The following RARB variants were observed in gnomAD, a reference collection of about 807,000 sequenced individuals.
RARB encodes HBV-activated protein.
A neutral mutation model predicts 51.9 loss-of-function variants in RARB; 17 were observed. That is an observed-to-expected ratio of 0.33 (90% CI 0.22 to 0.49). RARB has a LOEUF of 0.49. RARB is among the 20% of genes least tolerant of loss of function. The pLI is 0.99. For missense variants in RARB, 369 were observed against 550.8 expected, an observed-to-expected ratio of 0.67 and a Z score of 3.30; for synonymous variants, 215 against 195.4, an observed-to-expected ratio of 1.10 and a Z score of -0.84.
At chr3:25,437,828 T>C (rs1708497697) in intron 1 of RARB, among the ~76,000 whole-genome samples, 1 of 152,226 alleles carries the variant, frequency 6.6e-6, no homozygotes, top group African/African-American at 2.4e-5. Flanking sequence ...TTGAAGACTT[T>C]CATGTGGATG....
chr3:24,911,270 C>T (rs538791247), intron 2 of RARB, among the ~76,000 whole-genome samples: 7 of 152,174 alleles, frequency 4.6e-5, no homozygotes, highest in Admixed American at 1.3e-4. Context: ...ACACACAGAC[C>T]TCCCAACAAG....
At chr3:24,858,469 C>G (rs149877805) in intron 1 of RARB, among the ~76,000 whole-genome samples, 152 of 152,212 alleles carry the variant, frequency 1.0e-3, no homozygotes, top group African/African-American at 3.3e-3. Flanking sequence ...TCCTTGTGAA[C>G]GGGTACAGCT....
At chr3:25,398,614 C>T (rs9834839) in intron 5 of RARB, among the ~76,000 whole-genome samples, 100,412 of 151,910 alleles carry the variant, frequency 0.66, 33,432 homozygotes, top group East Asian at 0.83. Flanking sequence ...TTTTTGCCCT[C>T]ATCTGGGATA....
chr3:25,176,697 G>T (rs538213871), intron 5 of RARB, among the ~76,000 whole-genome samples: 2 of 151,970 alleles, frequency 1.3e-5, no homozygotes, highest in African/African-American at 4.8e-5. Flanking sequence ...CCCGGTCTTG[G>T]CTACTACTGA....
intron 3 of RARB, among the ~76,000 whole-genome samples, chr3:25,128,234 A>G (rs1029000109): frequency 1.3e-5 from 2 of 152,088 alleles, no homozygotes; most frequent in African/African-American, 4.8e-5. Context: ...GAATCTCCTA[A>G]GTCAAATCTT....
At chr3:25,394,079 T>C (rs11715691) in intron 5 of RARB, among the ~76,000 whole-genome samples, 25,513 of 152,096 alleles carry the variant, frequency 0.17, 2,432 homozygotes, top group Admixed American at 0.3. Context: ...TTTTGCTGTA[T>C]CACAGAGGTT....
intron 4 of RARB, among the ~76,000 whole-genome samples, chr3:25,572,137 A>C (rs1360480926): frequency 6.6e-6 from 1 of 152,210 alleles, no homozygotes; most frequent in East Asian, 1.9e-4. Flanking sequence ...CGAAAAGAGA[A>C]GATGAGAGAA....
At chr3:25,531,917 C>T (rs138420274) in intron 3 of RARB, among the ~76,000 whole-genome samples, 1 of 146,826 alleles carries the variant, frequency 6.8e-6, no homozygotes, top group African/African-American at 2.5e-5. Context: ...ATAATCTTTC[C>T]ACCAGAAAAT....
chr3:25,322,268 C>T (rs913040448), intron 5 of RARB, among the ~76,000 whole-genome samples: 1 of 152,026 alleles, frequency 6.6e-6, no homozygotes, highest in African/African-American at 2.4e-5. Flanking sequence ...AAATAAACCT[C>T]AGATAAGCCA....
chr3:24,897,166 C>T (rs1388688904), intron 2 of RARB, among the ~76,000 whole-genome samples: 3 of 152,180 alleles, frequency 2.0e-5, no homozygotes, highest in South Asian at 4.1e-4. Context: ...CAGGACATTG[C>T]CATTTTGGGT....
intron 5 of RARB, among the ~76,000 whole-genome samples, chr3:25,277,902 T>A (rs1031364517): frequency 6.6e-6 from 1 of 152,182 alleles, no homozygotes; most frequent in Non-Finnish European, 1.5e-5. Context: ...CCCATAAACA[T>A]GACAACTCCT....
chr3:25,494,653 A>G (rs1163701903), intron 2 of RARB, among the ~76,000 whole-genome samples: 1 of 152,230 alleles, frequency 6.6e-6, no homozygotes, highest in Non-Finnish European at 1.5e-5. Flanking sequence ...TGTATGCTCC[A>G]AGAAAGCTTA....
intron 2 of RARB, among the ~76,000 whole-genome samples, chr3:25,496,937 T>A (rs1412646607): frequency 6.6e-6 from 1 of 152,166 alleles, no homozygotes; most frequent in African/African-American, 2.4e-5. Context: ...CAAGCTGGAG[T>A]GCAGTGGCAC....
At chr3:24,847,014 C>A (rs1362394556) in intron 1 of RARB, among the ~76,000 whole-genome samples, 2 of 152,144 alleles carry the variant, frequency 1.3e-5, no homozygotes, top group African/African-American at 4.8e-5. Context: ...GGTTACTGTG[C>A]AAGCAAATCA....
At chr3:25,430,156 T>G (rs769753416) in intron 1 of RARB, among the ~76,000 whole-genome samples, 13 of 152,242 alleles carry the variant, frequency 8.5e-5, no homozygotes, top group Non-Finnish European at 1.3e-4. Context: ...AGCCTGGCTG[T>G]CTGACTTAAC....
intron 4 of RARB, among the ~76,000 whole-genome samples, chr3:25,172,835 ATTAC>A (rs1187022154): frequency 6.6e-6 from 1 of 152,154 alleles, no homozygotes. Flanking sequence ...TCTCTGTTGT[ATTAC>A]TTCATTTAAT....
At chr3:24,863,834 T>C (rs1702799886) in intron 2 of RARB, among the ~76,000 whole-genome samples, 2 of 151,824 alleles carry the variant, frequency 1.3e-5, no homozygotes, top group South Asian at 4.2e-4. Context: ...GAAAATAAGC[T>C]GAACTTCTTG....
chr3:25,094,132 GTTAC>G (rs1480191775), intron 3 of RARB, among the ~76,000 whole-genome samples: 1 of 152,064 alleles, frequency 6.6e-6, no homozygotes, highest in Non-Finnish European at 1.5e-5. Flanking sequence ...TAGCCATTGA[GTTAC>G]TTAAACTGAG....
In RARB at chr3:24,877,346, C is replaced by CTTTT. The variant is rs66976672; in HGVS notation, c.-380+18608_-380+18611dup. On this transcript the variant is annotated intron_variant, in intron 2 of 11. Coordinates refer to the RARB transcript ENST00000383772. ...ATAGTAATTTTTTAAAGCAATCTTA[C>CTTTT]TTTTTTTTTTTTTTTTTGGAAAATT... Among the ~76,000 whole-genome samples the CTTTT allele has an allele frequency of 4.5e-4, 37 of 81,908 alleles. 2 individuals are homozygous for CTTTT. The South Asian group carries it at 6.5e-3, about 14-fold the overall frequency. 53.7% of individuals were successfully genotyped at this position (81,908 alleles called of 152,430 possible).
Sources: allele counts gnomAD v4.1 joint callset (sites outside exome capture counted in the v4.1 genomes callset), GRCh38; gene constraint gnomAD v4.1.1; transcripts MANE v1.5; gene names NCBI Gene and HGNC (gene_info 2026-07-23, HGNC 2026-07-21).